The following CDYL2 variants were observed in gnomAD, a reference collection of about 807,000 sequenced individuals.
The protein encoded by CDYL2 is chromodomain Y like 2.
In CDYL2, 23 loss-of-function variants were observed where a neutral mutation model predicts 49.4. The observed-to-expected ratio is 0.47, with a 90% CI of 0.34 to 0.66. The LOEUF is 0.66. CDYL2 is among the 30% of genes least tolerant of loss of function. The probability of loss-of-function intolerance (pLI) is 0.01; values close to 1 mark genes in which losing one functional copy is unlikely to be tolerated. For synonymous variants in CDYL2, 360 were observed against 268.8 expected, an observed-to-expected ratio of 1.34 and a Z score of -3.32; for missense variants, 678 against 656.4, an observed-to-expected ratio of 1.03 and a Z score of -0.36.
At chr16:80,765,722 T>A in intron 1 of CDYL2, among the ~76,000 whole-genome samples, 1 of 104,974 alleles carries the variant, frequency 9.5e-6, no homozygotes, top group African/African-American at 3.8e-5. Context: ...AAGGGAGTAT[T>A]AATCGCAAAA....
intron 2 of CDYL2, among the ~76,000 whole-genome samples, chr16:80,634,061 C>T (rs1907700553): frequency 6.6e-6 from 1 of 150,590 alleles, no homozygotes; most frequent in Non-Finnish European, 1.5e-5. Context: ...TTTGAAAACA[C>T]TTCCCAAATA....
intron 1 of CDYL2, among the ~76,000 whole-genome samples, chr16:80,685,410 G>A (rs574285132): frequency 3.3e-5 from 5 of 152,290 alleles, no homozygotes; most frequent in African/African-American, 1.2e-4. Flanking sequence ...TGTCCATCCA[G>A]GCTTACTTTT....
At chr16:80,645,358 T>G (rs1908291151) in intron 2 of CDYL2, among the ~76,000 whole-genome samples, 1 of 152,160 alleles carries the variant, frequency 6.6e-6, no homozygotes, top group South Asian at 2.1e-4. Context: ...AGAAGACATT[T>G]ATGCAGCCAA....
intron 2 of CDYL2, among the ~76,000 whole-genome samples, chr16:80,649,636 G>C (rs1908499851): frequency 6.6e-6 from 1 of 152,036 alleles, no homozygotes; most frequent in South Asian, 2.1e-4. Context: ...ATATGGAACT[G>C]TGAAAGACCC....
At chr16:80,652,665 G>A (rs996002933) in intron 2 of CDYL2, among the ~76,000 whole-genome samples, 3 of 152,174 alleles carry the variant, frequency 2.0e-5, no homozygotes, top group African/African-American at 7.2e-5. Flanking sequence ...CAGCCAGGTG[G>A]TCACAGTCAA....
In CDYL2 at chr16:80,727,736, A is replaced by T. The variant is rs188023618; in HGVS notation, c.25-42607T>A. Among the ~76,000 whole-genome samples the T allele has an allele frequency of 9.2e-5, 14 of 152,310 alleles. 1 individual carries two copies. Among genetic ancestry groups the T allele is most frequent in the African/African-American group, 3.1e-4 (13 of 41,564 alleles). On this transcript the variant is annotated intron_variant, in intron 1 of 6. Coordinates refer to ENST00000570137, the MANE Select transcript of CDYL2 (RefSeq NM_152342.4). ...TGAAGAGAACAGTGGTTCTCCCAGC[A>T]CGCAGCGGGAGATCTGAGAATGGGC... is the stretch of plus-strand genomic sequence containing the variant.
intron 1 of CDYL2, among the ~76,000 whole-genome samples, chr16:80,701,800 C>A (rs961912904): frequency 1.3e-5 from 2 of 152,138 alleles, no homozygotes; most frequent in Non-Finnish European, 1.5e-5. Flanking sequence ...AAATGGTTCT[C>A]AAGTACCTTT....
chr16:80,660,851 T>A (rs1394661570), intron 2 of CDYL2, among the ~76,000 whole-genome samples: 5 of 152,100 alleles, frequency 3.3e-5, no homozygotes, highest in African/African-American at 1.2e-4. Context: ...GTGGTCTACA[T>A]GCAGCAACAA....
chr16:80,743,855 G>A (rs1241396723), intron 1 of CDYL2, among the ~76,000 whole-genome samples: 1 of 152,082 alleles, frequency 6.6e-6, no homozygotes, highest in Non-Finnish European at 1.5e-5. Flanking sequence ...AAGAAATGGT[G>A]CTGATAAAGT....
At chr16:80,650,617 G>T (rs1212442877) in intron 2 of CDYL2, among the ~76,000 whole-genome samples, 10 of 152,088 alleles carry the variant, frequency 6.6e-5, no homozygotes, top group Non-Finnish European at 5.9e-5. Context: ...CCCACTGCTG[G>T]GTATACACCC....
intron 6 of CDYL2, 126 bp downstream of exon 6, chr16:80,607,966 A>G (rs1906417209): frequency 8.8e-7 from 1 of 1,130,606 alleles, no homozygotes; most frequent in Non-Finnish European, 1.2e-6. Context: ...GTTAAATTGC[A>G]AAGGGTCTTT....
At chr16:80,685,348 A>G (rs1910149047) in intron 1 of CDYL2, among the ~76,000 whole-genome samples, 1 of 152,220 alleles carries the variant, frequency 6.6e-6, no homozygotes. Context: ...AGGCACATGC[A>G]GCCATTTCCC....
rs181798506 is a variant in CDYL2 at position 80,655,753 on chromosome 16, T to C, written c.617-22517A>G. On this transcript the variant is annotated intron_variant, in intron 2 of 6. Transcript: ENST00000570137. ...CCTTGAGTACTGGATTCAAAATGTGTGCAATTCTGGATGCGGGTGGCTGAA... is the reference window on the plus strand; with the variant it reads ...CCTTGAGTACTGGATTCAAAATGTGCGCAATTCTGGATGCGGGTGGCTGAA... Among the ~76,000 whole-genome samples, 18 of 152,290 alleles carry C rather than the reference T, an allele frequency of 1.2e-4. No homozygotes were observed. The East Asian group carries it at 2.5e-3, about 21-fold the overall frequency.
chr16:80,774,222 T>G (rs1907005049), intron 1 of CDYL2, among the ~76,000 whole-genome samples: 2 of 152,138 alleles, frequency 1.3e-5, no homozygotes, highest in African/African-American at 2.4e-5. Flanking sequence ...CTATATAGAC[T>G]TTAAAAAGAA....
chr16:80,638,331 T>G (rs1907931829), intron 2 of CDYL2, among the ~76,000 whole-genome samples: 1 of 152,150 alleles, frequency 6.6e-6, no homozygotes, highest in Non-Finnish European at 1.5e-5. Flanking sequence ...CACCTCAGGC[T>G]CCCAAAGTGC....
At chr16:80,710,151 A>G (rs1273243186) in intron 1 of CDYL2, among the ~76,000 whole-genome samples, 1 of 151,456 alleles carries the variant, frequency 6.6e-6, no homozygotes, top group African/African-American at 2.4e-5. Context: ...CTGGTCTCGA[A>G]CTCCTGACCT....
At position 80,618,144 on chromosome 16, in the gene CDYL2, C is replaced by G. The variant is rs141691620; in HGVS notation, c.1007+2619G>C. Among the ~76,000 whole-genome samples, 7 of 152,368 alleles carry G rather than the reference C, an allele frequency of 4.6e-5. No individual in the cohort carries two copies. The East Asian group carries it at 1.3e-3, about 29-fold the overall frequency. On this transcript the variant is annotated intron_variant, in intron 4 of 6. Coordinates refer to ENST00000570137, the MANE Select transcript of CDYL2 (RefSeq NM_152342.4). Reference sequence around the variant, plus strand: ...GCATCGAGAAGAATTCCTCCTGCCTCCGCCATCTTGCCCTGTGCTCTGCCT... The same window carrying G: ...GCATCGAGAAGAATTCCTCCTGCCTGCGCCATCTTGCCCTGTGCTCTGCCT...
chr16:80,742,990 A>T lies in CDYL2; in HGVS notation c.25-57861T>A, dbSNP rs565170054. ...GGTGGATGAATCGATAGGTGAGTAC[A>T]AAGATGAATAAATGTATGGATGGGT... On this transcript the variant is annotated intron_variant, in intron 1 of 6. Coordinates refer to ENST00000570137, the MANE Select transcript of CDYL2 (RefSeq NM_152342.4). 7.5e-5 allele frequency among the ~76,000 whole-genome samples: 10 copies of T among 133,980 alleles called. No individual in the cohort carries two copies. The East Asian group carries it at 2.6e-3, about 35-fold the overall frequency. The allele number at this position is 133,980 out of a possible 152,430, so 87.9% of individuals were successfully genotyped here.
At chr16:80,662,725 A>G (rs997726300) in intron 2 of CDYL2, 4 of 455,700 alleles carry the variant, frequency 8.8e-6, no homozygotes, top group Non-Finnish European at 1.8e-5. Flanking sequence ...AATTTTAACT[A>G]ATTGAAATAT....
Sources: gnomAD v4.1 joint callset for allele counts (sites outside exome capture counted in the v4.1 genomes callset) on GRCh38, gnomAD v4.1.1 for gene constraint, MANE v1.5 for transcripts, NCBI Gene and HGNC (gene_info 2026-07-23, HGNC 2026-07-21) for gene names.